The following TDRD12 variants were observed in gnomAD, a reference collection of about 807,000 sequenced individuals.
TDRD12 encodes the protein putative ATP-dependent RNA helicase TDRD12.
A neutral mutation model predicts 133.5 loss-of-function variants in TDRD12; 158 were observed. That is an observed-to-expected ratio of 1.18 (90% CI 1.04 to 1.35). TDRD12 has a LOEUF of 1.35. Among genes scored for constraint, TDRD12 ranks in the 40% most tolerant of loss-of-function variants. The pLI, the probability that TDRD12 is intolerant of heterozygous loss-of-function variation, is 0.00. For synonymous variants in TDRD12, 460 were observed against 477.9 expected (o/e 0.96, Z 0.49); for missense variants, 1,443 against 1,321.3 (o/e 1.09, Z -1.43).
chr19:32,787,441 A>G (rs565727980), intron 11 of TDRD12, among the ~76,000 whole-genome samples: 20 of 152,170 alleles, frequency 1.3e-4, no homozygotes, highest in Non-Finnish European at 2.6e-4. Context: ...TGGGAGAACC[A>G]CTGCTCTCTT....
chr19:32,801,227 AAAG>A (rs1009815380), intron 18 of TDRD12, among the ~76,000 whole-genome samples: 16 of 152,156 alleles, frequency 1.1e-4, no homozygotes, highest in Non-Finnish European at 1.8e-4. Context: ...AGAAGAAGAA[AAAG>A]AAGATTGAGA....
intron 1 of TDRD12, among the ~76,000 whole-genome samples, chr19:32,720,386 A>C (rs1599811485): frequency 3.7e-5 from 1 of 26,984 alleles, no homozygotes; most frequent in Non-Finnish European, 6.9e-5. Context: ...CAACCCACAC[A>C]TCCTCCCACA....
At chr19:32,806,986 A>T (rs945520961) in intron 21 of TDRD12, among the ~76,000 whole-genome samples, 10 of 152,166 alleles carry the variant, frequency 6.6e-5, no homozygotes, top group Admixed American at 3.9e-4. Flanking sequence ...TTAAAACGGC[A>T]ATTTCAACTA....
chr19:32,798,429 T>A lies in TDRD12; in HGVS notation c.1752T>A (p.Asn584Lys), dbSNP rs1230186988. The change falls in exon 16 of 28, where the codon AAT becomes AAA. Residue 584 changes from asparagine to lysine, a missense_variant. By Grantham distance (94) the Asn-to-Lys change is moderately conservative. Transcript: ENST00000444215. ...TAGAGGTGCTATTCTTGGAAGCCAA[T>A]GAACAGGTGAGCGTGGCTTAAGGTC... The A allele has an allele frequency of 3.9e-6, 6 of 1,534,024 alleles. No individual in the cohort carries two copies. In the Admixed American group the frequency reaches 9.8e-5, roughly 25 times the overall value.
intron 19 of TDRD12, 23 bp from the exon 20 acceptor site, chr19:32,802,633 A>G (rs1599606526): frequency 6.5e-7 from 1 of 1,534,200 alleles, no homozygotes. Flanking sequence ...CGCGTGTGAC[A>G]TTGTCGGACT....
At chr19:32,821,198 C>A in exon 28 of TDRD12, 1 of 1,358,136 alleles carries the variant, frequency 7.4e-7, no homozygotes, top group Non-Finnish European at 1.0e-6. Flanking sequence ...TGGAAAATTG[C>A]TAATGTTTAG....
At chr19:32,783,299 C>G (rs1444976327) in intron 11 of TDRD12, among the ~76,000 whole-genome samples, 1 of 152,094 alleles carries the variant, frequency 6.6e-6, no homozygotes, top group African/African-American at 2.4e-5. Flanking sequence ...TTTCTGAGGC[C>G]TGTGTTCTGT....
intron 1 of TDRD12, among the ~76,000 whole-genome samples, chr19:32,724,471 G>A (rs113460862): frequency 6.4e-4 from 98 of 152,190 alleles, no homozygotes; most frequent in African/African-American, 2.2e-3. Flanking sequence ...GAGAACATAC[G>A]GTGTTTGGTT....
intron 13 of TDRD12, among the ~76,000 whole-genome samples, chr19:32,792,265 CA>C (rs984322611): frequency 1.3e-5 from 2 of 151,434 alleles, no homozygotes; most frequent in African/African-American, 2.4e-5. Flanking sequence ...AAGACCGAAA[CA>C]AACTCTCAAG....
At chr19:32,720,361 C>T (rs1172390217) in intron 1 of TDRD12, among the ~76,000 whole-genome samples, 3 of 70,170 alleles carry the variant, frequency 4.3e-5, no homozygotes, top group Non-Finnish European at 8.5e-5. Flanking sequence ...CTACTCCCCA[C>T]GCCCACTCCT....
chr19:32,811,203 T>A lies in TDRD12; in HGVS notation c.2838-7T>A. 1 of 1,534,142 alleles carries A rather than the reference T, an allele frequency of 6.5e-7. No individual in the cohort carries two copies. The highest frequency in any genetic ancestry group is 8.7e-7 in the Non-Finnish European group (1 of 1,145,338). ...CTGCGTTGAACCGATGCCCCATTGC[T>A]CTCCAGGGTTCAGGTGTTGGAAGTG... On this transcript the variant is annotated splice_polypyrimidine_tract_variant and splice_region_variant and intron_variant, in intron 23 of 27. Transcript: ENST00000444215.
At chr19:32,827,063 G>T in intron 9 of TDRD12, 101 bp from the exon 33 acceptor site, 2 of 535,050 alleles carry the variant, frequency 3.7e-6, no homozygotes, top group Non-Finnish European at 5.7e-6. Context: ...CATAGAGCTG[G>T]AACCCAAGGC....
intron 14 of TDRD12, among the ~76,000 whole-genome samples, chr19:32,795,545 TCTG>T (rs769516152): frequency 2.0e-5 from 3 of 152,084 alleles, no homozygotes; most frequent in Non-Finnish European, 4.4e-5. Context: ...AGTCTGAGCT[TCTG>T]CTGCCTTGTC....
chr19:32,773,494 C>CAT lies in TDRD12; in HGVS notation c.1004_1005dup (p.Thr336Ter), dbSNP rs774468097. On this transcript the variant is annotated frameshift_variant, in exon 10 of 28. Coordinates refer to ENST00000444215, the Ensembl canonical transcript of TDRD12. LOFTEE classifies it high-confidence loss of function. ...CAGTGTACTGGCCAGCAAAAAGAGG[C>CAT]ATAACCATATATGCTGATCCAGATG... 9.0e-6 allele frequency: 14 copies of CAT among 1,551,660 alleles called. No individual in the cohort carries two copies. The highest frequency in any genetic ancestry group is 9.6e-6 in the Non-Finnish European group (11 of 1,146,986).
chr19:32,749,680 C>T (rs1599855875), intron 5 of TDRD12, 104 bp from the exon 6 acceptor site: 4 of 802,518 alleles, frequency 5.0e-6, no homozygotes, highest in Non-Finnish European at 7.9e-6. Flanking sequence ...GACATTTGGG[C>T]ACTCTTAAGT....
intron 1 of TDRD12, 113 bp downstream of exon 1, chr19:32,720,209 C>G (rs575287991): frequency 1.6e-6 from 2 of 1,241,820 alleles, no homozygotes; most frequent in South Asian, 2.6e-5. Context: ...CTACACCCAC[C>G]GCAGCCCCGC....
intron 6 of TDRD12, among the ~76,000 whole-genome samples, chr19:32,754,367 G>T (rs553504004): frequency 5.0e-4 from 76 of 152,218 alleles, no homozygotes; most frequent in Middle Eastern, 3.4e-3. Flanking sequence ...TACTTGGGAG[G>T]CTGAGGTGGG....
chr19:32,749,842 C>G lies in TDRD12; in HGVS notation c.555C>G (p.Tyr185Ter), dbSNP rs1163750694. ...TGGAAGAAGATACATTTGAGGTTTA[C>G]CTTTATGTAACTATAAAAGATGAAA... Residue 185 changes from tyrosine to a stop codon, truncating the protein, a stop_gained, in exon 6 of 28, where the codon TAC (tyrosine) becomes TAG (stop). Coordinates refer to ENST00000444215, the Ensembl canonical transcript of TDRD12. LOFTEE classifies it high-confidence loss of function. The G allele has an allele frequency of 1.3e-6, 2 of 1,548,130 alleles. No individual in the cohort carries two copies. Among genetic ancestry groups the G allele is most frequent in the Non-Finnish European group, 1.7e-6 (2 of 1,145,032 alleles).
chr19:32,805,033 C>T (rs1415588262), intron 21 of TDRD12, among the ~76,000 whole-genome samples: 1 of 151,746 alleles, frequency 6.6e-6, no homozygotes, highest in Non-Finnish European at 1.5e-5. Context: ...TATGGTGGCT[C>T]ACACCTATAA....
Sources: gnomAD v4.1 joint callset for allele counts (sites outside exome capture counted in the v4.1 genomes callset) on GRCh38, gnomAD v4.1.1 for gene constraint, MANE v1.5 for transcripts, NCBI Gene and HGNC (gene_info 2026-07-23, HGNC 2026-07-21) for gene names.